DUSP7: variants seen among roughly 807,000 people sequenced by gnomAD.
DUSP7 encodes dual specificity protein phosphatase 7.
Under a neutral mutation model 29.8 loss-of-function variants are expected in DUSP7, and 7 were observed. That is an observed-to-expected ratio of 0.24 (90% confidence interval 0.13 to 0.44). DUSP7 has a LOEUF of 0.44. DUSP7 is among the 20% of genes least tolerant of loss of function. The pLI, the probability that DUSP7 is intolerant of heterozygous loss-of-function variation, is 1.00. For missense variants in DUSP7, 400 were observed against 583.7 expected, an observed-to-expected ratio of 0.69 and a Z score of 3.24; for synonymous variants, 287 against 275.4, an observed-to-expected ratio of 1.04 and a Z score of -0.42.
Position 52,050,955 on chromosome 3 carries a change from A to C in DUSP7, c.1120T>G (p.Phe374Val). The C allele has an allele frequency of 6.2e-7, 1 of 1,614,254 alleles. No individual in the cohort carries two copies. The highest frequency in any genetic ancestry group is 8.5e-7 in the Non-Finnish European group (1 of 1,180,042). ...TCAAAGTCCAGCAGCTGCCCCATGA[A>C]GTTGAAGTTGGGCGAGATGTTGGAC... ...KKSNISPNFNFMGQLLDFERT... is the reference protein window; with the variant it reads ...KKSNISPNFNVMGQLLDFERT... Residue 374 changes from phenylalanine (F) to valine (V), a missense_variant, in exon 3 of 3, where the codon TTC becomes GTC. Physicochemically the swap from Phe to Val is conservative, Grantham distance 50 (BLOSUM62 -1). Coordinates refer to ENST00000495880, the MANE Select transcript of DUSP7 (RefSeq NM_001947.4). This position sits in a 1 kb window ranked among gnomAD's most constrained non-coding sequence, Gnocchi z 5.0.
rs1701861106 is a variant in DUSP7, at chr3:52,053,052, A to ATT, written c.952+887_952+888insAA. 6.6e-6 allele frequency: 1 copy of ATT among 151,976 alleles called. No homozygotes were observed. Among genetic ancestry groups the ATT allele is most frequent in the Admixed American group, 6.6e-5 (1 of 15,262 alleles). The allele number at this position is 151,976 out of a possible 1,614,324, so 9.4% of individuals were successfully genotyped here. A position where few individuals can be genotyped will look rare whatever the true frequency, so the allele number is the denominator to read the frequency against. On this transcript the variant is annotated intron_variant, in intron 2 of 2. Coordinates refer to ENST00000495880, the MANE Select transcript of DUSP7 (RefSeq NM_001947.4). The surrounding 1 kb of genome is among the most constrained non-coding windows in gnomAD (Gnocchi z 4.6). ...CTAGCCCAGCCCAGCCGACACCAAAACGCCCTCCACTGGACACAGCCACCA... is the reference window on the plus strand; with the variant it reads ...CTAGCCCAGCCCAGCCGACACCAAAATTCGCCCTCCACTGGACACAGCCACCA...
At chr3:52,055,718 G>A (rs1701894117) in intron 1 of DUSP7, 132 bp downstream of exon 1, 11 of 1,148,446 alleles carry the variant, frequency 9.6e-6, no homozygotes, top group African/African-American at 1.6e-5. Context: ...CAGGAGGGCG[G>A]ATGCGGGCCG....
At position 52,056,243 on chromosome 3, in the gene DUSP7, C is replaced by T. The variant is rs780056071; in HGVS notation, c.124G>A (p.Gly42Arg). The change falls in exon 1 of 3, where the codon GGG (glycine) becomes AGG (arginine). Residue 42 changes from glycine to arginine, a missense_variant. Gly to Arg is a moderately radical substitution (Grantham distance 125). Transcript: ENST00000495880. The surrounding 1 kb of genome is among the most constrained non-coding windows in gnomAD (Gnocchi z 6.4). The stretch of plus-strand genomic sequence containing the variant: ...CCTGCCCCCGTCGCCGCGCCCGCCC[C>T]GGTGCCTGCGCCGGACCCCGACCCC... ...GAGSGSGAGTGAGAATGAGAM... is the reference protein window; with the variant it reads ...GAGSGSGAGTRAGAATGAGAM... 2.2e-6 allele frequency: 3 copies of T among 1,391,882 alleles called. No individual in the cohort carries two copies. The highest frequency in any genetic ancestry group is 1.6e-5 in the South Asian group (1 of 63,738). The allele number at this position is 1,391,882 out of a possible 1,614,324, so 86.2% of individuals were successfully genotyped here.
chr3:52,053,745 C>T lies in DUSP7; in HGVS notation c.952+195G>A. On this transcript the variant is annotated intron_variant, in intron 2 of 2. Coordinates refer to ENST00000495880, the MANE Select transcript of DUSP7 (RefSeq NM_001947.4). This position sits in a 1 kb window ranked among gnomAD's most constrained non-coding sequence, Gnocchi z 4.6. The stretch of plus-strand genomic sequence containing the variant: ...CAGGACTCAGGAGACTGCTCAGGCC[C>T]CAACAGGTAGAGGGGCCCAAGGGAC... 1.6e-6 allele frequency: 1 copy of T among 624,864 alleles called. No individual in the cohort carries two copies. Among genetic ancestry groups the T allele is most frequent in the Non-Finnish European group, 2.8e-6 (1 of 358,146 alleles). 38.7% of individuals were successfully genotyped at this position (624,864 alleles called of 1,614,324 possible).
rs1226471063 is a variant in DUSP7, at chr3:52,050,111, G to A, written c.*704C>T. ...AGGGTGGGAGGCGGCACGACTGGGGGTCCCAATACCTGAAGAGCAGTAAGC... is the reference window on the plus strand; with the variant it reads ...AGGGTGGGAGGCGGCACGACTGGGGATCCCAATACCTGAAGAGCAGTAAGC... On this transcript the variant is annotated 3_prime_UTR_variant, in exon 3 of 3. Transcript: ENST00000495880. The surrounding 1 kb of genome is among the most constrained non-coding windows in gnomAD (Gnocchi z 5.0). The A allele has an allele frequency of 1.3e-5, 2 of 152,256 alleles. No individual in the cohort carries two copies. Among genetic ancestry groups the A allele is most frequent in the Non-Finnish European group, 2.9e-5 (2 of 68,056 alleles). 9.4% of individuals were successfully genotyped at this position (152,256 alleles called of 1,614,324 possible).
At position 52,054,029 on chromosome 3, in the gene DUSP7, C is replaced by T. The variant is rs762722148; in HGVS notation, c.863G>A (p.Gly288Asp). 1 of 1,614,116 alleles carries T rather than the reference C, an allele frequency of 6.2e-7. No homozygotes were observed. Among genetic ancestry groups the T allele is most frequent in the African/African-American group, 1.3e-5 (1 of 74,944 alleles). The change falls in exon 2 of 3, where the codon GGC (glycine) becomes GAC (aspartate). Residue 288 changes from glycine (G) to aspartate (D), a missense_variant. Transcript: ENST00000495880. The surrounding 1 kb of genome is among the most constrained non-coding windows in gnomAD (Gnocchi z 4.1). ...TPNLPNAFEH[G>D]GEFTYKQIPI... ...GATCTGCTTGTAGGTGAACTCGCCG[C>T]CGTGCTCGAAGGCGTTGGGTAGGTT...
Position 52,054,030 on chromosome 3 carries a change from C to T in DUSP7, c.862G>A (p.Gly288Ser), listed in dbSNP as rs763777773. The T allele has an allele frequency of 9.3e-6, 15 of 1,614,092 alleles. No homozygotes were observed. Among genetic ancestry groups the T allele is most frequent in the Non-Finnish European group, 1.3e-5 (15 of 1,180,038 alleles). Residue 288 changes from glycine to serine, a missense_variant, in exon 2 of 3, where the codon GGC (glycine) becomes AGC (serine). Transcript: ENST00000495880. The surrounding 1 kb of genome is among the most constrained non-coding windows in gnomAD (Gnocchi z 4.1). ...ATCTGCTTGTAGGTGAACTCGCCGC[C>T]GTGCTCGAAGGCGTTGGGTAGGTTG... ...TPNLPNAFEHGGEFTYKQIPI... is the reference protein window; with the variant it reads ...TPNLPNAFEHSGEFTYKQIPI...
Position 52,053,976 on chromosome 3 carries a change from G to A in DUSP7, c.916C>T (p.Leu306Phe), listed in dbSNP as rs1033687474. ...ATGGCCTCAGGGAAGAACTGGGAGA[G>A]GTTCTGGCTCCAGTGGTCAGAGATG... ...IPISDHWSQN[L>F]SQFFPEAISF... The change falls in exon 2 of 3, where the codon CTC becomes TTC. Residue 306 changes from leucine to phenylalanine, a missense_variant. Leu to Phe is a conservative substitution (Grantham distance 22). This residue lies in a region of DUSP7 where 223 missense variants were observed against 360.9 expected (regional missense o/e 0.62). Transcript: ENST00000495880. The surrounding 1 kb of genome is among the most constrained non-coding windows in gnomAD (Gnocchi z 4.6). The A allele has an allele frequency of 2.5e-6, 4 of 1,614,126 alleles. No individual in the cohort carries two copies. The highest frequency in any genetic ancestry group is 2.5e-6 in the Non-Finnish European group (3 of 1,180,044).
In DUSP7 at chr3:52,056,256, G is replaced by GGACCCC; in HGVS notation, c.105_110dup (p.Ser37_Gly38dup). ...CCGCGCCCGCCCCGGTGCCTGCGCC[G>GGACCCC]GACCCCGACCCCGCACCGGGCTCGG... On this transcript the variant is annotated inframe_insertion, in exon 1 of 3. Transcript: ENST00000495880. This position sits in a 1 kb window ranked among gnomAD's most constrained non-coding sequence, Gnocchi z 6.4. 7.4e-7 allele frequency: 1 copy of GGACCCC among 1,358,534 alleles called. No homozygotes were observed. Among genetic ancestry groups the GGACCCC allele is most frequent in the Non-Finnish European group, 9.4e-7 (1 of 1,062,398 alleles). 84.2% of individuals were successfully genotyped at this position (1,358,534 alleles called of 1,614,324 possible).
At position 52,055,971 on chromosome 3, in the gene DUSP7, G is replaced by T; in HGVS notation, c.396C>A (p.Thr132=). ...ERFATRCKAA[T]VLLYDEATAE... is the part of the protein sequence containing the mutation. ...CCGTGGCCTCGTCGTAGAGCAGCAC[G>T]GTGGCCGCCTTGCAGCGCGTGGCGA... is the stretch of plus-strand genomic sequence containing the variant. Residue 132 remains threonine (T), a synonymous_variant, in exon 1 of 3, where the codon ACC becomes ACA. Transcript: ENST00000495880. The T allele has an allele frequency of 6.3e-7, 1 of 1,577,100 alleles. No individual in the cohort carries two copies. Among genetic ancestry groups the T allele is most frequent in the Non-Finnish European group, 8.6e-7 (1 of 1,162,586 alleles).
rs1701844701 is a variant in DUSP7, at chr3:52,051,318, G to A, written c.953-196C>T. Among the ~76,000 whole-genome samples, 1 of 152,198 alleles carries A rather than the reference G, an allele frequency of 6.6e-6. No individual in the cohort carries two copies. Among genetic ancestry groups the A allele is most frequent in the South Asian group, 2.1e-4 (1 of 4,832 alleles). Reference sequence around the variant, plus strand: ...GGTCAACAGCACTGCTGTGGAGAGGGCTCTGCACACTTTAGCCCCAAGGCA... The same window carrying A: ...GGTCAACAGCACTGCTGTGGAGAGGACTCTGCACACTTTAGCCCCAAGGCA... On this transcript the variant is annotated intron_variant, in intron 2 of 2. Transcript: ENST00000495880. This position sits in a 1 kb window ranked among gnomAD's most constrained non-coding sequence, Gnocchi z 4.8.
At position 52,050,506 on chromosome 3, in the gene DUSP7, AAAACAGCC is replaced by A; in HGVS notation, c.*301_*308del. 3.5e-6 allele frequency: 1 copy of A among 287,432 alleles called. No individual in the cohort carries two copies. Among genetic ancestry groups the A allele is most frequent in the East Asian group, 6.0e-5 (1 of 16,618 alleles). The allele number at this position is 287,432 out of a possible 1,614,324, so 17.8% of individuals were successfully genotyped here. A position where few individuals can be genotyped will look rare whatever the true frequency, so the allele number is the denominator to read the frequency against. The stretch of plus-strand genomic sequence containing the variant: ...CTCAGGTCCGTGGATGTGTCTTTAA[AAAACAGCC>A]AAACTGGCTGGGCTGTCAGCAGAAA... On this transcript the variant is annotated 3_prime_UTR_variant, in exon 3 of 3. Coordinates refer to ENST00000495880, the MANE Select transcript of DUSP7 (RefSeq NM_001947.4). The surrounding 1 kb of genome is among the most constrained non-coding windows in gnomAD (Gnocchi z 5.0).
Position 52,050,707 on chromosome 3 carries a change from T to G in DUSP7, c.*108A>C. The G allele has an allele frequency of 3.9e-6, 5 of 1,270,532 alleles. No individual in the cohort carries two copies. The highest frequency in any genetic ancestry group is 1.5e-5 in the African/African-American group (1 of 66,278). 78.7% of individuals were successfully genotyped at this position (1,270,532 alleles called of 1,614,324 possible). On this transcript the variant is annotated 3_prime_UTR_variant, in exon 3 of 3. Transcript: ENST00000495880. This position sits in a 1 kb window ranked among gnomAD's most constrained non-coding sequence, Gnocchi z 5.0. ...ATCAGCCTGGGCCTCTGGGCACAGG[T>G]GACATCTGGGGGTTCCTCAGGCCAG...
rs777221495 is a variant in DUSP7 at position 52,051,002 on chromosome 3, T to TAGGCGTCGTTGAG, written c.1060_1072dup (p.Tyr358SerfsTer29). The TAGGCGTCGTTGAG allele has an allele frequency of 6.2e-7, 1 of 1,614,254 alleles. No homozygotes were observed. The highest frequency in any genetic ancestry group is 8.5e-7 in the Non-Finnish European group (1 of 1,180,038). On this transcript the variant is annotated frameshift_variant, in exon 3 of 3. Transcript: ENST00000495880. LOFTEE classifies it high-confidence loss of function. The surrounding 1 kb of genome is among the most constrained non-coding windows in gnomAD (Gnocchi z 4.8). ...GGACTTTTTCCTCTTGACAAAGTCG[T>TAGGCGTCGTTGAG]AGGCGTCGTTGAGTGACAGGTTCAT...
rs1482199328 is a variant in DUSP7 at position 52,049,922 on chromosome 3, GCGGCAGGGCCCCAGGGTCCCCA to G, written c.*871_*892del. ...CCTGCGGCCCACCTCCTGGGGGACA[GCGGCAGGGCCCCAGGGTCCCCA>G]CCTTCTGCCTCAGGGAGGTCTGCAG... On this transcript the variant is annotated 3_prime_UTR_variant, in exon 3 of 3. Coordinates refer to ENST00000495880, the MANE Select transcript of DUSP7 (RefSeq NM_001947.4). 5 of 152,256 alleles carry G rather than the reference GCGGCAGGGCCCCAGGGTCCCCA, an allele frequency of 3.3e-5. No homozygotes were observed. Among genetic ancestry groups the G allele is most frequent in the Non-Finnish European group, 7.3e-5 (5 of 68,060 alleles). 9.4% of individuals were successfully genotyped at this position (152,256 alleles called of 1,614,324 possible).
chr3:52,049,360 G>GGAACTGAGGCTGGA lies in DUSP7; in HGVS notation c.*1441_*1454dup, dbSNP rs1480762287. On this transcript the variant is annotated 3_prime_UTR_variant, in exon 3 of 3. Transcript: ENST00000495880. ...CCCCCATGCAGTCCTGACACCTGGT[G>GGAACTGAGGCTGGA]GAACTGAGGCTGGAGAAGGAACAAA... 6.6e-6 allele frequency: 1 copy of GGAACTGAGGCTGGA among 152,432 alleles called. No individual in the cohort carries two copies. Among genetic ancestry groups the GGAACTGAGGCTGGA allele is most frequent in the Admixed American group, 6.5e-5 (1 of 15,284 alleles). The allele number at this position is 152,432 out of a possible 1,614,324, so 9.4% of individuals were successfully genotyped here.
chr3:52,051,252 T>C lies in DUSP7; in HGVS notation c.953-130A>G. ...GGTCTTGCCCGACCCCTGAGGGACC[T>C]GGCCAAGCCCAGTGTGGGTAGGGCA... On this transcript the variant is annotated intron_variant, in intron 2 of 2. Transcript: ENST00000495880. This position sits in a 1 kb window ranked among gnomAD's most constrained non-coding sequence, Gnocchi z 4.8. 1 of 1,057,980 alleles carries C rather than the reference T, an allele frequency of 9.5e-7. No individual in the cohort carries two copies. Among genetic ancestry groups the C allele is most frequent in the Non-Finnish European group, 1.3e-6 (1 of 747,778 alleles). 65.5% of individuals were successfully genotyped at this position (1,057,980 alleles called of 1,614,324 possible).
chr3:52,056,009 C>T lies in DUSP7; in HGVS notation c.358G>A (p.Asp120Asn), dbSNP rs1400352045. ...PIRSIIPNHA[D>N]KERFATRCKA... ...CAGCGCGTGGCGAAGCGCTCCTTGT[C>T]GGCGTGGTTGGGGATGATGGAGCGG... The change falls in exon 1 of 3, where the codon GAC becomes AAC. Residue 120 changes from aspartate (D) to asparagine (N), a missense_variant. Transcript: ENST00000495880. This position sits in a 1 kb window ranked among gnomAD's most constrained non-coding sequence, Gnocchi z 6.4. The T allele has an allele frequency of 6.3e-7, 1 of 1,589,024 alleles. No homozygotes were observed. The highest frequency in any genetic ancestry group is 8.6e-7 in the Non-Finnish European group (1 of 1,168,062).
In DUSP7 at chr3:52,050,927, C is replaced by T. The variant is rs1701840519; in HGVS notation, c.1148G>A (p.Arg383Gln). The T allele has an allele frequency of 4.3e-6, 7 of 1,614,240 alleles. No individual in the cohort carries two copies. Among genetic ancestry groups the T allele is most frequent in the South Asian group, 1.1e-5 (1 of 91,090 alleles). The change falls in exon 3 of 3, where the codon CGG becomes CAG. Residue 383 changes from arginine (R) to glutamine (Q), a missense_variant. This residue lies in a region of DUSP7 where 75 missense variants were observed against 95.0 expected (regional missense o/e 0.79). Coordinates refer to ENST00000495880, the MANE Select transcript of DUSP7 (RefSeq NM_001947.4). This position sits in a 1 kb window ranked among gnomAD's most constrained non-coding sequence, Gnocchi z 5.0. ...NFMGQLLDFE[R>Q]TLGLSSPCDN... ...GCACGGGCTGCTTAGCCCCAGCGTC[C>T]GCTCAAAGTCCAGCAGCTGCCCCAT...
Sources: allele counts gnomAD v4.1 joint callset (sites outside exome capture counted in the v4.1 genomes callset), GRCh38; gene constraint gnomAD v4.1.1; regional missense constraint gnomAD v4.1.1; non-coding constraint Gnocchi (gnomAD v3.1); transcripts MANE v1.5; gene names NCBI Gene and HGNC (gene_info 2026-07-23, HGNC 2026-07-21).